The following TMEM131L variants were observed in gnomAD, a reference collection of about 807,000 sequenced individuals.
TMEM131L encodes transmembrane protein 131-like.
Under a neutral mutation model 192.2 loss-of-function variants are expected in TMEM131L, and 54 were observed. The observed-to-expected ratio is 0.28, with a 90% CI of 0.23 to 0.35. The LOEUF (loss-of-function observed/expected upper bound fraction) is 0.35, where lower values mean the gene tolerates loss of function less well. TMEM131L is among the 10% of genes least tolerant of loss of function. TMEM131L has a pLI of 1.00. For synonymous variants in TMEM131L, 701 were observed against 704.9 expected (o/e 0.99, Z 0.09); for missense variants, 1,888 against 1,972.9 (o/e 0.96, Z 0.82).
Position 153,634,240 on chromosome 4 carries a change from C to T in TMEM131L, c.4377C>T (p.Tyr1459=). The T allele has an allele frequency of 6.2e-7, 1 of 1,614,124 alleles. No homozygotes were observed. The highest frequency in any genetic ancestry group is 8.5e-7 in the Non-Finnish European group (1 of 1,179,954). The part of the protein sequence containing the change: ...ATCEGQFSSA[Y]CPLELNDYNA... ...GCGAAGGCCAGTTTTCCAGCGCATA[C>T]TGTCCATTGGAATTGAACGATTACA... The change falls in exon 33 of 35, where the codon TAC becomes TAT. Residue 1459 remains tyrosine (Y), a synonymous_variant. Transcript: ENST00000409959.
chr4:153,488,037 G>C (rs1160921817), intron 3 of TMEM131L, among the ~76,000 whole-genome samples: 1 of 148,706 alleles, frequency 6.7e-6, no homozygotes, highest in African/African-American at 2.5e-5. Context: ...CTATGACTGA[G>C]GGGTGTGTGT....
In TMEM131L at chr4:153,634,277, G is replaced by C. The variant is rs758154012; in HGVS notation, c.4414G>C (p.Glu1472Gln). The part of the protein sequence containing the change: ...LELNDYNAFP[E>Q]ENMNYANGFP... ...ATTGAACGATTACAATGCCTTTCCAGAAGGTAAGGGCTCTTCAGACAATCC... is the reference window on the plus strand; with the variant it reads ...ATTGAACGATTACAATGCCTTTCCACAAGGTAAGGGCTCTTCAGACAATCC... The change falls in exon 33 of 35, where the codon GAA becomes CAA. Residue 1472 changes from glutamate (E) to glutamine (Q), a missense_variant. Physicochemically the swap from Glu to Gln is conservative, Grantham distance 29. Transcript: ENST00000409959. 8.1e-6 allele frequency: 13 copies of C among 1,610,920 alleles called. No individual in the cohort carries two copies. Among genetic ancestry groups the C allele is most frequent in the Non-Finnish European group, 1.1e-5 (13 of 1,177,524 alleles).
chr4:153,578,933 C>T (rs1288207131), intron 7 of TMEM131L, among the ~76,000 whole-genome samples: 2 of 152,096 alleles, frequency 1.3e-5, no homozygotes, highest in African/African-American at 4.8e-5. Context: ...GCTGGGATTA[C>T]AGGCATGAGC....
At chr4:153,495,106 G>A (rs1167202639) in intron 3 of TMEM131L, among the ~76,000 whole-genome samples, 1 of 152,224 alleles carries the variant, frequency 6.6e-6, no homozygotes, top group African/African-American at 2.4e-5. Flanking sequence ...TCTGAGGTCA[G>A]TAGTTTGAGA....
intron 4 of TMEM131L, among the ~76,000 whole-genome samples, chr4:153,553,071 A>T (rs1336640703): frequency 2.0e-5 from 3 of 152,128 alleles, no homozygotes; most frequent in Non-Finnish European, 4.4e-5. Flanking sequence ...TAATAGTCGC[A>T]TGCTGAGAGA....
chr4:153,591,626 G>A (rs1731073621), intron 17 of TMEM131L, among the ~76,000 whole-genome samples: 1 of 152,072 alleles, frequency 6.6e-6, no homozygotes, highest in Admixed American at 6.6e-5. Flanking sequence ...CTCCGGTGGC[G>A]GGAAGACTGG....
At chr4:153,578,080 G>T (rs1730080093) in intron 7 of TMEM131L, among the ~76,000 whole-genome samples, 1 of 152,202 alleles carries the variant, frequency 6.6e-6, no homozygotes, top group Non-Finnish European at 1.5e-5. Flanking sequence ...AACCGAGAGG[G>T]ACAAGTGGTT....
chr4:153,499,038 A>G (rs1425076107), intron 3 of TMEM131L, among the ~76,000 whole-genome samples: 1 of 152,218 alleles, frequency 6.6e-6, no homozygotes, highest in Non-Finnish European at 1.5e-5. Flanking sequence ...TTTTCCTTGA[A>G]TGTAGTCTTA....
intron 11 of TMEM131L, among the ~76,000 whole-genome samples, chr4:153,584,268 A>G (rs1730556989): frequency 6.6e-6 from 1 of 152,236 alleles, no homozygotes; most frequent in Non-Finnish European, 1.5e-5. Context: ...AGAAACTGCT[A>G]ACAGCTGCCT....
intron 3 of TMEM131L, among the ~76,000 whole-genome samples, chr4:153,529,050 T>A (rs899609107): frequency 2.6e-5 from 4 of 151,832 alleles, no homozygotes; most frequent in African/African-American, 9.7e-5. Context: ...GTCCAGAGGG[T>A]CCCAGAGACT....
chr4:153,590,601 ATTG>A (rs1337888837), intron 16 of TMEM131L, among the ~76,000 whole-genome samples: 6 of 152,204 alleles, frequency 3.9e-5, no homozygotes, highest in African/African-American at 1.4e-4. Context: ...GCCAGAATCA[ATTG>A]TTAGACTAAT....
intron 24 of TMEM131L, 146 bp downstream of exon 24, chr4:153,603,598 C>CATG (rs1731999922): frequency 9.7e-7 from 1 of 1,026,780 alleles, no homozygotes; most frequent in South Asian, 1.7e-5. Context: ...ACAGCTGCCC[C>CATG]ATTATTATTA....
intron 3 of TMEM131L, among the ~76,000 whole-genome samples, chr4:153,513,799 A>G (rs1734523392): frequency 6.6e-6 from 1 of 152,160 alleles, no homozygotes; most frequent in Non-Finnish European, 1.5e-5. Flanking sequence ...TTTTAGCAAA[A>G]ATCACCTCTT....
intron 3 of TMEM131L, among the ~76,000 whole-genome samples, chr4:153,545,290 C>CCT (rs71598296): frequency 3.0e-5 from 4 of 132,326 alleles, no homozygotes; most frequent in African/African-American, 1.2e-4. Flanking sequence ...CTTTTTCAAA[C>CCT]TTTTTTTTTT....
chr4:153,574,478 T>C lies in TMEM131L; in HGVS notation c.661-6348T>C, dbSNP rs1257828114. 1.3e-5 allele frequency among the ~76,000 whole-genome samples: 2 copies of C among 152,220 alleles called. 1 individual carries two copies. The highest frequency in any genetic ancestry group is 1.3e-4 in the Admixed American group (2 of 15,282). ...AGTGTTATGTGGAAGGCACCCAAGA[T>C]AGCTCTCATTTTATACAAGATCATT... is the stretch of plus-strand genomic sequence containing the variant. On this transcript the variant is annotated intron_variant, in intron 7 of 34. Transcript: ENST00000409959.
chr4:153,591,036 C>T lies in TMEM131L; in HGVS notation c.1671-17C>T. ...ATCAAAATATTTTTCATAATAGTTT[C>T]TTTATCAATTAAACAGGAGGAATGT... is the stretch of plus-strand genomic sequence containing the variant. On this transcript the variant is annotated splice_polypyrimidine_tract_variant and intron_variant, in intron 16 of 34. Coordinates refer to ENST00000409959, the MANE Select transcript of TMEM131L (RefSeq NM_001131007.2). The T allele has an allele frequency of 6.8e-7, 1 of 1,472,186 alleles. No homozygotes were observed. Among genetic ancestry groups the T allele is most frequent in the Non-Finnish European group, 9.1e-7 (1 of 1,104,282 alleles). The allele number at this position is 1,472,186 out of a possible 1,614,324, so 91.2% of individuals were successfully genotyped here. A position where few individuals can be genotyped will look rare whatever the true frequency, so the allele number is the denominator to read the frequency against.
chr4:153,576,848 C>T (rs1351705496), intron 7 of TMEM131L, among the ~76,000 whole-genome samples: 1 of 152,130 alleles, frequency 6.6e-6, no homozygotes, highest in Non-Finnish European at 1.5e-5. Context: ...TCAAGCTTCT[C>T]TTGCCCTTTT....
rs1374455669 is a variant in TMEM131L at position 153,510,839 on chromosome 4, A to G, written c.239+36951A>G. On this transcript the variant is annotated intron_variant, in intron 3 of 34. Coordinates refer to ENST00000409959, the MANE Select transcript of TMEM131L (RefSeq NM_001131007.2). ...GAGTTTGAGGCTGCAGTGAGCCATG[A>G]TCATGCCAGTGTACTCCAGCCTGGA... Among the ~76,000 whole-genome samples the G allele has an allele frequency of 2.0e-5, 3 of 152,022 alleles. No homozygotes were observed. The East Asian group carries it at 5.8e-4, about 29-fold the overall frequency.
At chr4:153,633,417 C>T (rs1273901848) in intron 32 of TMEM131L, 1 of 132,464 alleles carries the variant, frequency 7.5e-6, no homozygotes, top group South Asian at 2.3e-4. Context: ...TTTGTAGAGA[C>T]AGGATCTTGC....
Sources: gnomAD v4.1 joint callset for allele counts (sites outside exome capture counted in the v4.1 genomes callset) on GRCh38, gnomAD v4.1.1 for gene constraint, MANE v1.5 for transcripts, NCBI Gene and HGNC (gene_info 2026-07-23, HGNC 2026-07-21) for gene names.